The following CCDC60 variants were observed in gnomAD, a reference collection of about 807,000 sequenced individuals.
CCDC60 encodes coiled-coil domain containing 60, also known as coiled-coil domain-containing protein 60.
CCDC60 carries 54 observed loss-of-function variants against 63.5 expected under a neutral mutation model. That is an observed-to-expected ratio of 0.85 (90% CI 0.68 to 1.07). The LOEUF (loss-of-function observed/expected upper bound fraction) is 1.07, where lower values mean the gene tolerates loss of function less well. Ranked by LOEUF, CCDC60 falls within the 50% of genes least tolerant of loss-of-function variation. CCDC60 has a pLI of 0.00. For missense variants in CCDC60, 651 were observed against 684.3 expected (o/e 0.95, Z 0.54); for synonymous variants, 206 against 238.8 (o/e 0.86, Z 1.27).
chr12:119,397,599 T>C (rs917789801), intron 1 of CCDC60, among the ~76,000 whole-genome samples: 8 of 149,506 alleles, frequency 5.4e-5, no homozygotes, highest in African/African-American at 1.7e-4. Context: ...ATCTTCCAGC[T>C]AGACATAAAA....
Position 119,523,787 on chromosome 12 carries a change from T to C in CCDC60, c.1198T>C (p.Cys400Arg), listed in dbSNP as rs1433857632. 2.5e-6 allele frequency: 4 copies of C among 1,614,208 alleles called. No individual in the cohort carries two copies. In the South Asian group the frequency reaches 4.4e-5, roughly 18 times the overall value. The change falls in exon 11 of 14, where the codon TGC becomes CGC. Residue 400 changes from cysteine to arginine, a missense_variant. Coordinates refer to ENST00000327554, the MANE Select transcript of CCDC60 (RefSeq NM_178499.5). ...CAGCGTAGCCCAGGAGGCTGGCTTC[T>C]GCCTGCAGGACAAGATGGAAATCCT... ...FYSVAQEAGF[C>R]LQDKMEILMK...
At chr12:119,375,387 A>T (rs1375038097) in intron 1 of CCDC60, among the ~76,000 whole-genome samples, 1 of 152,196 alleles carries the variant, frequency 6.6e-6, no homozygotes, top group Non-Finnish European at 1.5e-5. Context: ...AGAATTGGGA[A>T]GCAGATGCAT....
chr12:119,480,939 C>T (rs1951301810), intron 4 of CCDC60, among the ~76,000 whole-genome samples: 1 of 151,254 alleles, frequency 6.6e-6, no homozygotes, highest in South Asian at 2.1e-4. Context: ...CCATCATCAT[C>T]ACCACCATCA....
chr12:119,507,600 A>ATTTTT (rs1566050673), intron 7 of CCDC60, among the ~76,000 whole-genome samples: 2 of 21,662 alleles, frequency 9.2e-5, no homozygotes, highest in African/African-American at 3.5e-4. Context: ...ACATATATAT[A>ATTTTT]TATATATATA....
chr12:119,509,225 T>C (rs1952141364), intron 7 of CCDC60, among the ~76,000 whole-genome samples: 3 of 152,250 alleles, frequency 2.0e-5, no homozygotes, highest in Admixed American at 2.0e-4. Flanking sequence ...TTGTTTAGCA[T>C]ACACAAAAAT....
rs752512617 is a variant in CCDC60 at position 119,472,108 on chromosome 12, T to G, written c.285T>G (p.Asn95Lys). The stretch of plus-strand genomic sequence containing the variant: ...AGAAACTGAAAGAGGAGGAAAGAAA[T>G]AAATTCCAGCCAGCCGAAAAGATCT... ...QLQKLKEEERNKFQPAEKISE... is the reference protein window; with the variant it reads ...QLQKLKEEERKKFQPAEKISE... Residue 95 changes from asparagine (N) to lysine (K), a missense_variant, in exon 3 of 14, where the codon AAT (asparagine) becomes AAG (lysine). Asn to Lys is a moderately conservative substitution (Grantham distance 94). Coordinates refer to ENST00000327554, the MANE Select transcript of CCDC60 (RefSeq NM_178499.5). 9.3e-6 allele frequency: 15 copies of G among 1,613,934 alleles called. No individual in the cohort carries two copies. Among genetic ancestry groups the G allele is most frequent in the Admixed American group, 1.7e-5 (1 of 59,990 alleles).
rs1297404246 is a variant in CCDC60 at position 119,375,920 on chromosome 12, C to T, written c.90+40654C>T. On this transcript the variant is annotated intron_variant, in intron 1 of 13. Coordinates refer to ENST00000327554, the MANE Select transcript of CCDC60 (RefSeq NM_178499.5). ...AGCTCTTAGTATAAAGTCTGACAAACGTGGAGCCACCTAATCAACTTGCCC... is the reference window on the plus strand; with the variant it reads ...AGCTCTTAGTATAAAGTCTGACAAATGTGGAGCCACCTAATCAACTTGCCC... 2.6e-5 allele frequency among the ~76,000 whole-genome samples: 4 copies of T among 152,148 alleles called. No individual in the cohort carries two copies. The East Asian group carries it at 5.8e-4, about 22-fold the overall frequency.
At chr12:119,407,548 A>C (rs1295661419) in intron 1 of CCDC60, among the ~76,000 whole-genome samples, 2 of 152,122 alleles carry the variant, frequency 1.3e-5, no homozygotes, top group Admixed American at 6.5e-5. Flanking sequence ...AAATTAATTA[A>C]TTACTAAAAA....
At chr12:119,498,342 C>CT in intron 5 of CCDC60, among the ~76,000 whole-genome samples, 1 of 150,056 alleles carries the variant, frequency 6.7e-6, no homozygotes, top group Middle Eastern at 3.4e-3. Context: ...TTTTTTTTTT[C>CT]TTTTTTTGAG....
chr12:119,433,533 T>G, intron 2 of CCDC60: 4 of 702,318 alleles, frequency 5.7e-6, no homozygotes, highest in Non-Finnish European at 1.0e-5. Flanking sequence ...GGATTCCCCT[T>G]CAGAAGGAAA....
chr12:119,404,340 T>A (rs1956446707), intron 1 of CCDC60, among the ~76,000 whole-genome samples: 1 of 152,178 alleles, frequency 6.6e-6, no homozygotes, highest in African/African-American at 2.4e-5. Flanking sequence ...TCCTCCACCC[T>A]TGCTGGGTCA....
Position 119,475,458 on chromosome 12 carries a change from C to T in CCDC60, c.341+3294C>T, listed in dbSNP as rs184350567. On this transcript the variant is annotated intron_variant, in intron 3 of 13. Coordinates refer to ENST00000327554, the MANE Select transcript of CCDC60 (RefSeq NM_178499.5). Reference sequence around the variant, plus strand: ...ATAAGTTTAAATATGCATGAGATCGCTCCTCTTGTAGACTTTGGTCTGGTT... The same window carrying T: ...ATAAGTTTAAATATGCATGAGATCGTTCCTCTTGTAGACTTTGGTCTGGTT... 3.7e-3 allele frequency among the ~76,000 whole-genome samples: 570 copies of T among 152,318 alleles called. 13 individuals are homozygous for T. The highest frequency in any genetic ancestry group is 1.2e-3 in the East Asian group (6 of 5,188).
intron 1 of CCDC60, among the ~76,000 whole-genome samples, chr12:119,361,235 C>A (rs1312705645): frequency 1.3e-5 from 2 of 151,598 alleles, no homozygotes; most frequent in Non-Finnish European, 2.9e-5. Context: ...AAGTCTATCA[C>A]AGGTCTATTT....
At chr12:119,448,391 T>A (rs1402484680) in intron 2 of CCDC60, among the ~76,000 whole-genome samples, 1 of 152,200 alleles carries the variant, frequency 6.6e-6, no homozygotes, top group African/African-American at 2.4e-5. Context: ...TTTGGGCAAG[T>A]GGCTTCAATC....
intron 2 of CCDC60, among the ~76,000 whole-genome samples, chr12:119,448,132 A>G (rs1950573568): frequency 2.6e-5 from 4 of 151,962 alleles, no homozygotes; most frequent in Admixed American, 2.0e-4. Context: ...ACTTTACTGT[A>G]TACTTGACAT....
chr12:119,490,333 T>C (rs1951554847), intron 5 of CCDC60, among the ~76,000 whole-genome samples: 1 of 152,232 alleles, frequency 6.6e-6, no homozygotes, highest in Admixed American at 6.5e-5. Context: ...GACTTTATTT[T>C]TTTAAGCAGC....
chr12:119,347,117 C>T (rs778045070), intron 1 of CCDC60, among the ~76,000 whole-genome samples: 30 of 151,970 alleles, frequency 2.0e-4, no homozygotes, highest in Non-Finnish European at 3.2e-4. Context: ...GCCACGTGCC[C>T]GGCCTAGACT....
intron 11 of CCDC60, chr12:119,524,293 G>A: frequency 5.2e-6 from 1 of 191,652 alleles, no homozygotes; most frequent in South Asian, 1.8e-4. Context: ...AGCCACAAAT[G>A]CCAGAGTTAT....
rs1401347127 is a variant in CCDC60 at position 119,452,036 on chromosome 12, G to T, written c.171-19958G>T. On this transcript the variant is annotated intron_variant, in intron 2 of 13. Transcript: ENST00000327554. ...ATGCGCCAAAGGGATGAGGAGAGGG[G>T]TGGAAGAATGAGTATAATATGGTGT... 2.6e-5 allele frequency among the ~76,000 whole-genome samples: 4 copies of T among 152,286 alleles called. No individual in the cohort carries two copies. The East Asian group carries it at 7.7e-4, about 29-fold the overall frequency.
Sources: gnomAD v4.1 joint callset for allele counts (sites outside exome capture counted in the v4.1 genomes callset) on GRCh38, gnomAD v4.1.1 for gene constraint, MANE v1.5 for transcripts, NCBI Gene and HGNC (gene_info 2026-07-23, HGNC 2026-07-21) for gene names.